Variants in UTRN observed in about 807,000 individuals in gnomAD.
The protein encoded by UTRN is utrophin.
In UTRN, 283 loss-of-function variants were observed where a neutral mutation model predicts 463.9. That is an observed-to-expected ratio of 0.61 (90% CI 0.55 to 0.67). The LOEUF (loss-of-function observed/expected upper bound fraction) is 0.67, where lower values mean the gene tolerates loss of function less well. Among genes scored for constraint, UTRN ranks in the 30% least tolerant of loss-of-function variants. The probability of loss-of-function intolerance (pLI) is 0.00; values close to 1 mark genes in which losing one functional copy is unlikely to be tolerated. For synonymous variants in UTRN, 1,442 were observed against 1,431.5 expected (o/e 1.01, Z -0.17); for missense variants, 3,922 against 4,084.3 (o/e 0.96, Z 1.08).
intron 53 of UTRN, among the ~76,000 whole-genome samples, chr6:144,709,460 C>T (rs1252424946): frequency 6.6e-6 from 1 of 152,018 alleles, no homozygotes; most frequent in Non-Finnish European, 1.5e-5. Flanking sequence ...TCTTACAGCT[C>T]AAAAGTACAT....
At chr6:144,422,146 T>C (rs910028382) in intron 4 of UTRN, among the ~76,000 whole-genome samples, 176 bp downstream of exon 4, 2 of 152,190 alleles carry the variant, frequency 1.3e-5, no homozygotes, top group African/African-American at 2.4e-5. Context: ...TACAACAACA[T>C]TTTGGCTCTT....
intron 7 of UTRN, among the ~76,000 whole-genome samples, chr6:144,428,437 T>TTA (rs1785496152): frequency 2.7e-5 from 4 of 150,910 alleles, no homozygotes; most frequent in Admixed American, 1.3e-4. Context: ...TTTTTTTTTT[T>TTA]ACTTTCTTAT....
Position 144,421,959 on chromosome 6 carries a change from G to A in UTRN, c.223G>A (p.Gly75Arg), listed in dbSNP as rs2114847757. ...ATTGGATCTTCTAGAAGGCCTCACAGGAACATCACTGGTGAGCAAGTCATC... is the reference window on the plus strand; with the variant it reads ...ATTGGATCTTCTAGAAGGCCTCACAAGAACATCACTGGTGAGCAAGTCATC... Reference protein sequence around the residue: ...KLLDLLEGLTGTSLPKERGST... With the variant: ...KLLDLLEGLTRTSLPKERGST... Residue 75 changes from glycine to arginine, a missense_variant, in exon 4 of 75, where the codon GGA (glycine) becomes AGA (arginine). Gly to Arg is a moderately radical substitution (Grantham distance 125). Around this residue, in one of 3 missense-constraint regions of UTRN, gnomAD observed 264 missense variants for 327.9 expected, o/e 0.81. Transcript: ENST00000367545. 1 of 1,610,956 alleles carries A rather than the reference G, an allele frequency of 6.2e-7. No homozygotes were observed. Among genetic ancestry groups the A allele is most frequent in the South Asian group, 1.1e-5 (1 of 90,572 alleles).
rs753821727 is a variant in UTRN, at chr6:144,734,569, C to T, written c.7939+4083C>T. 3.9e-5 allele frequency among the ~76,000 whole-genome samples: 6 copies of T among 152,258 alleles called. 1 individual carries two copies. The highest frequency in any genetic ancestry group is 1.5e-5 in the Non-Finnish European group (1 of 68,024). The stretch of plus-strand genomic sequence containing the variant: ...TTGCTCGGGCTAAAATCCACTGGGC[C>T]GCTCTTGGCTCCTTTGTCCTTTTGT... On this transcript the variant is annotated intron_variant, in intron 54 of 74. Coordinates refer to ENST00000367545, the MANE Select transcript of UTRN (RefSeq NM_007124.3).
At chr6:144,609,281 G>C (rs1183755861) in intron 51 of UTRN, among the ~76,000 whole-genome samples, 7 of 152,160 alleles carry the variant, frequency 4.6e-5, no homozygotes, top group African/African-American at 1.7e-4. Flanking sequence ...CCCAAGGAGA[G>C]CCAGGGGAGC....
chr6:144,442,012 A>AT (rs1453611296), intron 13 of UTRN, among the ~76,000 whole-genome samples: 2 of 151,818 alleles, frequency 1.3e-5, no homozygotes, highest in Non-Finnish European at 2.9e-5. Flanking sequence ...CCACAAAACC[A>AT]TTTTTTCCTC....
chr6:144,512,551 G>A (rs1227818681), intron 35 of UTRN, among the ~76,000 whole-genome samples: 1 of 148,496 alleles, frequency 6.7e-6, no homozygotes, highest in African/African-American at 2.5e-5. Context: ...TTGTTTATTT[G>A]TTCACTTTTT....
At chr6:144,778,627 T>A (rs1775547218) in intron 60 of UTRN, among the ~76,000 whole-genome samples, 2 of 151,012 alleles carry the variant, frequency 1.3e-5, no homozygotes, top group South Asian at 4.2e-4. Flanking sequence ...ATAATAATAA[T>A]AATAAAATAA....
At chr6:144,397,131 C>T (rs952157226) in intron 2 of UTRN, among the ~76,000 whole-genome samples, 4 of 152,030 alleles carry the variant, frequency 2.6e-5, no homozygotes, top group Non-Finnish European at 5.9e-5. Context: ...ATAATCCTAG[C>T]TACTTGGGAG....
At position 144,447,292 on chromosome 6, in the gene UTRN, C is replaced by A; in HGVS notation, c.1696C>A (p.Leu566Ile). The change falls in exon 15 of 75, where the codon CTA (leucine) becomes ATA (isoleucine). Residue 566 changes from leucine to isoleucine, a missense_variant. Physicochemically the swap from Leu to Ile is conservative, Grantham distance 5. Transcript: ENST00000367545. The part of the protein sequence containing the change: ...QTSNFKDQKE[L>I]SVSVRRLAIL... ...AAGCAACTTCAAAGACCAAAAGGAA[C>A]TAAGTGTCAGTGTTCGACGTCTGGC... is the stretch of plus-strand genomic sequence containing the variant. 1.4e-5 allele frequency: 23 copies of A among 1,613,762 alleles called. No homozygotes were observed. The highest frequency in any genetic ancestry group is 1.9e-5 in the Non-Finnish European group (23 of 1,179,782).
At chr6:144,836,567 C>A in intron 71 of UTRN, 26 bp downstream of exon 71, 1 of 1,610,770 alleles carries the variant, frequency 6.2e-7, no homozygotes, top group African/African-American at 1.3e-5. Context: ...TTCAGCGTCA[C>A]ACCTCCCCAG....
Position 144,807,795 on chromosome 6 carries a change from A to G in UTRN, c.9357+4648A>G, listed in dbSNP as rs369650923. ...TAACTGTGGTGTTTTTGTCTTCTCA[A>G]TTATCTTTTTACCTCCTTGAGGACT... On this transcript the variant is annotated intron_variant, in intron 65 of 74. Coordinates refer to ENST00000367545, the MANE Select transcript of UTRN (RefSeq NM_007124.3). Among the ~76,000 whole-genome samples the G allele has an allele frequency of 6.6e-4, 101 of 152,042 alleles. 1 individual carries two copies. In the South Asian group the frequency reaches 0.02, roughly 31 times the overall value.
chr6:144,425,725 T>G (rs1316891520), intron 6 of UTRN, among the ~76,000 whole-genome samples: 1 of 152,214 alleles, frequency 6.6e-6, no homozygotes, highest in Non-Finnish European at 1.5e-5. Flanking sequence ...TCATCCTAGA[T>G]TTGGCCAGTG....
At chr6:144,589,558 A>T (rs1802799442) in intron 51 of UTRN, among the ~76,000 whole-genome samples, 1 of 152,196 alleles carries the variant, frequency 6.6e-6, no homozygotes, top group Admixed American at 6.5e-5. Context: ...AATTTTTGGA[A>T]TTATATTGGG....
At chr6:144,678,238 G>A (rs1465870856) in intron 51 of UTRN, among the ~76,000 whole-genome samples, 168 bp from the exon 52 acceptor site, 1 of 152,146 alleles carries the variant, frequency 6.6e-6, no homozygotes, top group African/African-American at 2.4e-5. Flanking sequence ...TGGAGGTACT[G>A]AAGATTTAAA....
Position 144,523,143 on chromosome 6 carries a change from A to G in UTRN, c.5861A>G (p.Asn1954Ser). 1 of 1,612,906 alleles carries G rather than the reference A, an allele frequency of 6.2e-7. No homozygotes were observed. The highest frequency in any genetic ancestry group is 8.5e-7 in the Non-Finnish European group (1 of 1,179,484). ...ATCAGAGATACACTTACTCAGCTGA[A>G]TGCAAAATGGGACAGAATTAATAGA... is the stretch of plus-strand genomic sequence containing the variant. ...IQIRDTLTQL[N>S]AKWDRINRMY... Residue 1954 changes from asparagine (N) to serine (S), a missense_variant, in exon 41 of 75, where the codon AAT becomes AGT. By Grantham distance (46) the Asn-to-Ser change is conservative. Around this residue, in one of 3 missense-constraint regions of UTRN, gnomAD observed 2,349 missense variants for 2,303.8 expected, o/e 1.02. Coordinates refer to ENST00000367545, the MANE Select transcript of UTRN (RefSeq NM_007124.3).
chr6:144,771,678 G>T (rs539349914), intron 58 of UTRN, among the ~76,000 whole-genome samples: 1 of 151,788 alleles, frequency 6.6e-6, no homozygotes. Flanking sequence ...CACCTGCCTC[G>T]GCCTCCCAAA....
intron 74 of UTRN, among the ~76,000 whole-genome samples, chr6:144,847,560 G>A (rs986755873): frequency 6.6e-6 from 1 of 152,180 alleles, no homozygotes; most frequent in South Asian, 2.1e-4. Context: ...GATAAGGTAT[G>A]CCTAGAGTAG....
chr6:144,717,634 C>CTT (rs869170852), intron 53 of UTRN, among the ~76,000 whole-genome samples: 50 of 70,080 alleles, frequency 7.1e-4, no homozygotes, highest in Non-Finnish European at 1.1e-3. Flanking sequence ...TTTCTTTTTT[C>CTT]TTTTTTTTTT....
Sources: allele counts gnomAD v4.1 joint callset (sites outside exome capture counted in the v4.1 genomes callset), GRCh38; gene constraint gnomAD v4.1.1; regional missense constraint gnomAD v4.1.1; transcripts MANE v1.5; gene names NCBI Gene and HGNC (gene_info 2026-07-23, HGNC 2026-07-21).